The following EVC variants were observed in gnomAD, a reference collection of about 807,000 sequenced individuals.
EVC encodes evC complex member EVC.
EVC carries 116 observed loss-of-function variants against 118.9 expected under a neutral mutation model. The observed-to-expected ratio is 0.98, with a 90% CI of 0.84 to 1.14. The LOEUF (loss-of-function observed/expected upper bound fraction) is 1.14. Among genes scored for constraint, EVC ranks in the 50% most tolerant of loss-of-function variants. The probability of loss-of-function intolerance (pLI) is 0.00; values close to 1 mark genes in which losing one functional copy is unlikely to be tolerated. For synonymous variants in EVC, 619 were observed against 534.7 expected, an observed-to-expected ratio of 1.16 and a Z score of -2.18; for missense variants, 1,401 against 1,246.4, an observed-to-expected ratio of 1.12 and a Z score of -1.87.
At chr4:5,790,040 G>C (rs1712463088) in intron 12 of EVC, among the ~76,000 whole-genome samples, 1 of 152,060 alleles carries the variant, frequency 6.6e-6, no homozygotes, top group Non-Finnish European at 1.5e-5. Flanking sequence ...AATGAGTCGG[G>C]CATGGTGACA....
At position 5,789,862 on chromosome 4, in the gene EVC, G is replaced by A. The variant is rs555944469; in HGVS notation, c.1777-3746G>A. ...GCAGCAAAGACCCCTATATACTTTA[G>A]TGGCAATGCAGACTCACCTTTCAAA... On this transcript the variant is annotated intron_variant, in intron 12 of 20. Coordinates refer to ENST00000264956, the MANE Select transcript of EVC (RefSeq NM_153717.3). This position sits in a 1 kb window ranked among gnomAD's most constrained non-coding sequence, Gnocchi z 4.3. 7.9e-5 allele frequency among the ~76,000 whole-genome samples: 12 copies of A among 152,242 alleles called. No individual in the cohort carries two copies. Among genetic ancestry groups the A allele is most frequent in the Admixed American group, 7.2e-4 (11 of 15,292 alleles).
In EVC at chr4:5,731,347, C is replaced by T; in HGVS notation, c.385-78C>T. 3 of 1,230,976 alleles carry T rather than the reference C, an allele frequency of 2.4e-6. No individual in the cohort carries two copies. The highest frequency in any genetic ancestry group is 2.3e-5 in the East Asian group (1 of 43,048). The allele number at this position is 1,230,976 out of a possible 1,614,324, so 76.3% of individuals were successfully genotyped here. On this transcript the variant is annotated intron_variant, in intron 3 of 20. Transcript: ENST00000264956. The surrounding 1 kb of genome is among the most constrained non-coding windows in gnomAD (Gnocchi z 5.6). Reference sequence around the variant, plus strand: ...CTTCCTGTGAGCGGCTAGCGTGAATCACTGGTAGAATTATGAATACTAGAT... The same window carrying T: ...CTTCCTGTGAGCGGCTAGCGTGAATTACTGGTAGAATTATGAATACTAGAT...
intron 12 of EVC, 51 bp downstream of exon 12, chr4:5,783,815 CGAA>C: frequency 1.3e-6 from 2 of 1,510,852 alleles, no homozygotes; most frequent in Non-Finnish European, 1.8e-6. Flanking sequence ...TAGAAACACA[CGAA>C]GAAGCGTGAG....
chr4:5,827,617 C>T, the EVC span, among the ~76,000 whole-genome samples: 4 of 151,872 alleles, frequency 2.6e-5, no homozygotes, highest in Admixed American at 6.6e-5. Context: ...CATACACACA[C>T]GCGCACACAC....
intron 11 of EVC, among the ~76,000 whole-genome samples, chr4:5,775,272 A>G (rs1392938163): frequency 6.6e-6 from 1 of 152,176 alleles, no homozygotes; most frequent in Non-Finnish European, 1.5e-5. Context: ...ATGAATAAAT[A>G]AAGCATAATC....
chr4:5,790,141 A>G (rs999872674), intron 12 of EVC, among the ~76,000 whole-genome samples: 21 of 140,346 alleles, frequency 1.5e-4, no homozygotes, highest in Non-Finnish European at 2.7e-4. Context: ...AGATCATAGC[A>G]CCTCACTCCA....
At position 5,748,320 on chromosome 4, in the gene EVC, G is replaced by A. The variant is rs767093289; in HGVS notation, c.1098+14G>A. The A allele has an allele frequency of 1.2e-6, 2 of 1,613,822 alleles. No individual in the cohort carries two copies. The highest frequency in any genetic ancestry group is 1.7e-6 in the Non-Finnish European group (2 of 1,179,870). On this transcript the variant is annotated intron_variant, in intron 8 of 20. Transcript: ENST00000264956. ...CTGCAGGCTCTGGTAATGCTGGAGGGGGCGGGAGGGAACATAAAGATATTC... is the reference window on the plus strand; with the variant it reads ...CTGCAGGCTCTGGTAATGCTGGAGGAGGCGGGAGGGAACATAAAGATATTC...
intron 11 of EVC, among the ~76,000 whole-genome samples, chr4:5,771,481 C>T (rs1475524736): frequency 6.6e-6 from 1 of 152,174 alleles, no homozygotes; most frequent in Non-Finnish European, 1.5e-5. Flanking sequence ...TCAGTCCCAC[C>T]TGCGAAGTCT....
chr4:5,761,533 A>G (rs1732014445), intron 11 of EVC, among the ~76,000 whole-genome samples: 1 of 151,820 alleles, frequency 6.6e-6, no homozygotes, highest in Non-Finnish European at 1.5e-5. Flanking sequence ...GGCAGCAATG[A>G]GAGGAACAGT....
chr4:5,811,064 C>A lies in EVC; in HGVS notation c.*27C>A. Reference sequence around the variant, plus strand: ...TTAAGACCAGTCGGTGGGACAAGACCTGAAGCCCTGGGTCTGGGTGTGAAT... The same window carrying A: ...TTAAGACCAGTCGGTGGGACAAGACATGAAGCCCTGGGTCTGGGTGTGAAT... On this transcript the variant is annotated 3_prime_UTR_variant, in exon 21 of 21. Transcript: ENST00000264956. The A allele has an allele frequency of 1.3e-6, 2 of 1,580,884 alleles. No homozygotes were observed. The highest frequency in any genetic ancestry group is 1.7e-6 in the Non-Finnish European group (2 of 1,156,570).
chr4:5,792,234 A>T (rs1449570916), intron 12 of EVC, among the ~76,000 whole-genome samples: 2 of 152,204 alleles, frequency 1.3e-5, no homozygotes, highest in Admixed American at 6.5e-5. Flanking sequence ...TTGCTAAAAA[A>T]CACATTTCCT....
Position 5,747,954 on chromosome 4 carries a change from G to A in EVC, c.940-194G>A, listed in dbSNP as rs145394676. 4.6e-3 allele frequency: 3,000 copies of A among 650,074 alleles called. 8 individuals carry two copies. Among genetic ancestry groups the A allele is most frequent in the Middle Eastern group, 8.1e-3 (20 of 2,454 alleles). The allele number at this position is 650,074 out of a possible 1,614,324, so 40.3% of individuals were successfully genotyped here. A position where few individuals can be genotyped will look rare whatever the true frequency, so the allele number is the denominator to read the frequency against. Reference sequence around the variant, plus strand: ...ACCATTGCAAAACTGACTGACACTGGAACCAGACAATGGAACCAGAAAGAA... The same window carrying A: ...ACCATTGCAAAACTGACTGACACTGAAACCAGACAATGGAACCAGAAAGAA... On this transcript the variant is annotated intron_variant, in intron 7 of 20. Coordinates refer to ENST00000264956, the MANE Select transcript of EVC (RefSeq NM_153717.3).
At chr4:5,821,707 GGATGGACAT>G in the EVC span, 1 of 1,504,860 alleles carries the variant, frequency 6.6e-7, no homozygotes, top group Non-Finnish European at 9.1e-7. This position sits in a 1 kb window ranked among gnomAD's most constrained non-coding sequence, Gnocchi z 4.4. Flanking sequence ...ACAGGAAAAG[GGATGGACAT>G]GATTCCCAGA....
chr4:5,827,906 G>A, the EVC span: 5 of 461,290 alleles, frequency 1.1e-5, no homozygotes, highest in African/African-American at 1.1e-4. Flanking sequence ...CTAAAGTTAG[G>A]AATAGAGCCT....
chr4:5,731,693 G>C lies in EVC; in HGVS notation c.617+36G>C. 6.4e-7 allele frequency: 1 copy of C among 1,573,028 alleles called. No homozygotes were observed. The highest frequency in any genetic ancestry group is 8.7e-7 in the Non-Finnish European group (1 of 1,148,302). ...CGGGCAATGGAGGATGAGGCTTCCA[G>C]TCCTCTTGGAGTGGGCCGGGAGTCA... On this transcript the variant is annotated intron_variant, in intron 4 of 20. Coordinates refer to ENST00000264956, the MANE Select transcript of EVC (RefSeq NM_153717.3). This position sits in a 1 kb window ranked among gnomAD's most constrained non-coding sequence, Gnocchi z 5.6.
At chr4:5,765,483 G>C (rs1732721806) in intron 11 of EVC, among the ~76,000 whole-genome samples, 1 of 119,732 alleles carries the variant, frequency 8.4e-6, no homozygotes, top group South Asian at 3.1e-4. Context: ...TCATTGATCT[G>C]TCTAATGTTG....
intron 2 of EVC, among the ~76,000 whole-genome samples, chr4:5,727,497 G>A (rs1183475268): frequency 5.3e-5 from 8 of 152,122 alleles, no homozygotes; most frequent in Non-Finnish European, 8.8e-5. Flanking sequence ...AGTAGGTTGG[G>A]AAAATGTTCT....
At chr4:5,768,359 A>G (rs1028951489) in intron 11 of EVC, among the ~76,000 whole-genome samples, 3 of 152,106 alleles carry the variant, frequency 2.0e-5, no homozygotes, top group African/African-American at 7.2e-5. Flanking sequence ...CCCTGGTAGG[A>G]GACTGCTGTG....
the EVC span, chr4:5,824,791 AAG>A: frequency 8.6e-5 from 79 of 921,828 alleles, no homozygotes; most frequent in Non-Finnish European, 5.0e-5. Flanking sequence ...CAACGCCTCA[AAG>A]AGTTTGCAGG....
Sources: allele counts gnomAD v4.1 joint callset (sites outside exome capture counted in the v4.1 genomes callset), GRCh38; gene constraint gnomAD v4.1.1; non-coding constraint Gnocchi (gnomAD v3.1); transcripts MANE v1.5; gene names NCBI Gene and HGNC (gene_info 2026-07-23, HGNC 2026-07-21).